The following DCDC2 variants were observed in gnomAD, a reference collection of about 807,000 sequenced individuals.
DCDC2 encodes doublecortin domain-containing protein 2.
Under a neutral mutation model 50.2 loss-of-function variants are expected in DCDC2, and 40 were observed. The observed-to-expected ratio is 0.80, with a 90% CI of 0.62 to 1.04. DCDC2 has a LOEUF of 1.04. Among genes scored for constraint, DCDC2 ranks in the 50% least tolerant of loss-of-function variants. DCDC2 has a pLI of 0.00. For missense variants in DCDC2, 570 were observed against 581.9 expected (o/e 0.98, Z 0.21); for synonymous variants, 234 against 210.6 (o/e 1.11, Z -0.96).
At chr6:24,319,967 T>C (rs891617150) in intron 2 of DCDC2, among the ~76,000 whole-genome samples, 9 of 127,612 alleles carry the variant, frequency 7.1e-5, no homozygotes, top group African/African-American at 2.4e-4. Flanking sequence ...CAAATGAACC[T>C]AACTGTGTTA....
chr6:24,256,758 CTAA>C (rs1376991637), intron 7 of DCDC2, among the ~76,000 whole-genome samples: 1 of 152,146 alleles, frequency 6.6e-6, no homozygotes, highest in East Asian at 1.9e-4. Flanking sequence ...TTTAAATCCT[CTAA>C]TAATGGAAAA....
At chr6:24,310,085 T>C (rs7752761) in intron 2 of DCDC2, among the ~76,000 whole-genome samples, 73,450 of 151,810 alleles carry the variant, frequency 0.48, 20,347 homozygotes, top group Non-Finnish European at 0.6. Context: ...CAATGCAAAA[T>C]TACAAAAGAA....
intron 2 of DCDC2, among the ~76,000 whole-genome samples, chr6:24,346,493 C>T (rs763649566): frequency 1.8e-4 from 27 of 152,116 alleles, no homozygotes; most frequent in African/African-American, 4.8e-4. Flanking sequence ...TGGTGGTTCA[C>T]GCCTGTACTC....
intron 7 of DCDC2, among the ~76,000 whole-genome samples, chr6:24,275,065 A>G (rs149337063): frequency 6.6e-6 from 1 of 152,258 alleles, no homozygotes; most frequent in East Asian, 1.9e-4. Flanking sequence ...GAGTTCTTAC[A>G]CCCTTCACTT....
At chr6:24,205,442 T>C (rs1007044717) in intron 7 of DCDC2, 8 of 1,075,594 alleles carry the variant, frequency 7.4e-6, no homozygotes, top group African/African-American at 4.8e-5. Flanking sequence ...TCTCCCCTCC[T>C]ATTCACAAAA....
chr6:24,349,718 A>G (rs1018102133), intron 2 of DCDC2, among the ~76,000 whole-genome samples: 6 of 152,182 alleles, frequency 3.9e-5, no homozygotes, highest in Admixed American at 6.5e-5. Flanking sequence ...AGCTAAGAAA[A>G]CTGTCTTCAT....
intron 2 of DCDC2, among the ~76,000 whole-genome samples, chr6:24,320,827 C>A (rs917194217): frequency 6.6e-6 from 1 of 151,974 alleles, no homozygotes; most frequent in Non-Finnish European, 1.5e-5. Flanking sequence ...ATGCTGGTTT[C>A]TAAATACCAT....
At chr6:24,345,205 G>T (rs1489570073) in intron 2 of DCDC2, among the ~76,000 whole-genome samples, 2 of 152,042 alleles carry the variant, frequency 1.3e-5, no homozygotes, top group Non-Finnish European at 2.9e-5. Context: ...CTGCAATAAG[G>T]TTAATAATTA....
intron 2 of DCDC2, among the ~76,000 whole-genome samples, chr6:24,342,482 G>A (rs557811148): frequency 5.9e-5 from 9 of 152,128 alleles, no homozygotes; most frequent in African/African-American, 1.7e-4. Context: ...GTGGCAGCTG[G>A]GCAGCGCTCC....
chr6:24,365,218 C>T, the DCDC2 span, among the ~76,000 whole-genome samples: 1 of 152,202 alleles, frequency 6.6e-6, no homozygotes. Flanking sequence ...GAACCAAATC[C>T]TGTAGCTTCC....
At chr6:24,319,184 G>A (rs1161830257) in intron 2 of DCDC2, among the ~76,000 whole-genome samples, 1 of 152,130 alleles carries the variant, frequency 6.6e-6, no homozygotes, top group East Asian at 1.9e-4. Context: ...GATGATCAGT[G>A]ACGTTGAGCA....
At chr6:24,257,931 C>T (rs951706269) in intron 7 of DCDC2, among the ~76,000 whole-genome samples, 3 of 152,036 alleles carry the variant, frequency 2.0e-5, no homozygotes, top group African/African-American at 7.2e-5. Context: ...TGAAAATTAG[C>T]TCTGATTGAG....
chr6:24,271,016 G>A (rs779831541), intron 7 of DCDC2, among the ~76,000 whole-genome samples: 5 of 151,872 alleles, frequency 3.3e-5, no homozygotes, highest in Non-Finnish European at 7.4e-5. Context: ...GAGCTTAGGA[G>A]TTTGAGACCA....
chr6:24,334,255 G>T (rs12189743), intron 2 of DCDC2, among the ~76,000 whole-genome samples: 46,702 of 152,030 alleles, frequency 0.31, 8,623 homozygotes, highest in African/African-American at 0.52. Context: ...TTTTATCATG[G>T]GTATACTTAC....
In DCDC2 at chr6:24,173,127, AGATTT is replaced by A. The variant is rs1760822289; in HGVS notation, c.*1598_*1602del. On this transcript the variant is annotated 3_prime_UTR_variant, in exon 10 of 10. Transcript: ENST00000378454. The stretch of plus-strand genomic sequence containing the variant: ...GTAACGCTAGTAGAAAGCACAATTT[AGATTT>A]TACACCAGAAACATAGTACCCTGTT... 1 of 152,062 alleles carries A rather than the reference AGATTT, an allele frequency of 6.6e-6. No homozygotes were observed. The highest frequency in any genetic ancestry group is 2.4e-5 in the African/African-American group (1 of 41,434). 9.4% of individuals were successfully genotyped at this position (152,062 alleles called of 1,614,324 possible).
chr6:24,335,468 C>T (rs955751897), intron 2 of DCDC2, among the ~76,000 whole-genome samples: 44 of 152,250 alleles, frequency 2.9e-4, no homozygotes, highest in African/African-American at 1.0e-3. Flanking sequence ...CATCTGAATG[C>T]GTTTTCTATT....
chr6:24,253,784 G>A (rs887191553), intron 7 of DCDC2, among the ~76,000 whole-genome samples: 5 of 152,208 alleles, frequency 3.3e-5, no homozygotes, highest in Admixed American at 6.5e-5. Context: ...GGGTGAGTCA[G>A]TGAGTCAGTG....
intron 2 of DCDC2, among the ~76,000 whole-genome samples, chr6:24,319,110 T>C (rs1759726456): frequency 6.6e-6 from 1 of 152,240 alleles, no homozygotes; most frequent in South Asian, 2.1e-4. Context: ...TTTGACTTTT[T>C]AATAATAGCC....
At chr6:24,216,601 GGC>G (rs1394627896) in intron 7 of DCDC2, among the ~76,000 whole-genome samples, 5 of 152,242 alleles carry the variant, frequency 3.3e-5, no homozygotes, top group African/African-American at 1.2e-4. Flanking sequence ...CTAATTCAGA[GGC>G]CTGAGGCCAT....
Sources: allele counts gnomAD v4.1 joint callset (sites outside exome capture counted in the v4.1 genomes callset), GRCh38; gene constraint gnomAD v4.1.1; transcripts MANE v1.5; gene names NCBI Gene and HGNC (gene_info 2026-07-23, HGNC 2026-07-21).